GLO1: variants seen among roughly 807,000 people sequenced by gnomAD.
The protein encoded by GLO1 is lactoylglutathione lyase.
GLO1 carries 28 observed loss-of-function variants against 26.0 expected under a neutral mutation model. The observed-to-expected ratio is 1.08, with a 90% confidence interval of 0.80 to 1.48. The LOEUF (loss-of-function observed/expected upper bound fraction) is 1.48, where lower values mean the gene tolerates loss of function less well. Ranked by LOEUF, GLO1 falls within the 40% of genes most tolerant of loss-of-function variation. GLO1 has a pLI of 0.00. For missense variants in GLO1, 225 were observed against 224.8 expected (o/e 1.00, Z -0.01); for synonymous variants, 78 against 77.6 (o/e 1.00, Z -0.03).
chr6:38,698,041 G>A (rs544010739), intron 1 of GLO1, among the ~76,000 whole-genome samples: 18 of 152,152 alleles, frequency 1.2e-4, no homozygotes, highest in African/African-American at 3.1e-4. Flanking sequence ...TAACACCAAC[G>A]GTTATCACCA....
intron 5 of GLO1, among the ~76,000 whole-genome samples, chr6:38,679,469 C>T (rs1354178618): frequency 6.6e-6 from 1 of 152,096 alleles, no homozygotes; most frequent in Non-Finnish European, 1.5e-5. Context: ...CATGAGCCAC[C>T]ATGCCCAGAC....
At chr6:38,700,786 T>TG (rs1424559705) in intron 1 of GLO1, among the ~76,000 whole-genome samples, 6 of 151,544 alleles carry the variant, frequency 4.0e-5, no homozygotes, top group African/African-American at 1.5e-4. Flanking sequence ...ATTGAGGGTT[T>TG]TTTTTTTTTT....
chr6:38,701,803 G>A (rs1761703561), intron 1 of GLO1, among the ~76,000 whole-genome samples: 1 of 152,046 alleles, frequency 6.6e-6, no homozygotes, highest in Non-Finnish European at 1.5e-5. Flanking sequence ...CCCTTTTAAA[G>A]GTCTGCACGA....
At chr6:38,684,586 CTT>C in intron 2 of GLO1, 72 bp from the exon 3 acceptor site, 2 of 996,578 alleles carry the variant, frequency 2.0e-6, no homozygotes, top group Non-Finnish European at 2.7e-6. Context: ...ATCAACATAA[CTT>C]AATATTCAAG....
intron 3 of GLO1, among the ~76,000 whole-genome samples, chr6:38,684,123 C>T (rs1761428883): frequency 6.6e-6 from 1 of 151,978 alleles, no homozygotes; most frequent in South Asian, 2.1e-4. Context: ...GCTCAGGAGG[C>T]TGAGGCAGGA....
At chr6:38,697,367 C>T (rs1379681336) in intron 1 of GLO1, among the ~76,000 whole-genome samples, 1 of 152,206 alleles carries the variant, frequency 6.6e-6, no homozygotes, top group Admixed American at 6.5e-5. Flanking sequence ...CAGTGGGAGT[C>T]CTTACAGGAG....
At chr6:38,696,292 C>CT (rs1305867496) in intron 1 of GLO1, among the ~76,000 whole-genome samples, 1 of 151,316 alleles carries the variant, frequency 6.6e-6, no homozygotes, top group Non-Finnish European at 1.5e-5. Context: ...GATGAAGATA[C>CT]TTATTTCTCT....
chr6:38,685,226 G>A (rs1035174723), intron 2 of GLO1, among the ~76,000 whole-genome samples: 11 of 152,184 alleles, frequency 7.2e-5, no homozygotes, highest in African/African-American at 2.7e-4. Flanking sequence ...TGACAATGGG[G>A]AGGTAGGCGA....
chr6:38,700,139 C>G (rs776024723), intron 1 of GLO1, among the ~76,000 whole-genome samples: 1 of 152,172 alleles, frequency 6.6e-6, no homozygotes, highest in African/African-American at 2.4e-5. Flanking sequence ...TCTTTGTACT[C>G]TTTATTTCTC....
At chr6:38,697,080 T>C (rs1761622518) in intron 1 of GLO1, among the ~76,000 whole-genome samples, 3 of 151,990 alleles carry the variant, frequency 2.0e-5, no homozygotes, top group African/African-American at 7.2e-5. Context: ...GTCTGGCTAA[T>C]TTTTTTGTAT....
intron 1 of GLO1, among the ~76,000 whole-genome samples, chr6:38,695,333 A>G (rs1761593388): frequency 6.6e-6 from 1 of 152,106 alleles, no homozygotes; most frequent in African/African-American, 2.4e-5. Context: ...ATACGCATAC[A>G]CATATATACA....
intron 2 of GLO1, among the ~76,000 whole-genome samples, chr6:38,685,716 A>G (rs1761452421): frequency 1.3e-5 from 2 of 152,230 alleles, no homozygotes; most frequent in East Asian, 1.9e-4. Flanking sequence ...AAAGCAGACT[A>G]CACAACCCTC....
chr6:38,681,664 G>C (rs1450150556), intron 5 of GLO1, among the ~76,000 whole-genome samples: 1 of 152,132 alleles, frequency 6.6e-6, no homozygotes, highest in African/African-American at 2.4e-5. Context: ...CAGATAAAAT[G>C]GACTTTAAGG....
intron 1 of GLO1, 25 bp downstream of exon 1, chr6:38,702,946 C>A: frequency 1.5e-6 from 2 of 1,339,634 alleles, no homozygotes; most frequent in Non-Finnish European, 2.1e-6. Flanking sequence ...GCTGGGGGAG[C>A]CGTTCCCTTC....
chr6:38,681,087 G>A (rs1426384715), intron 5 of GLO1, among the ~76,000 whole-genome samples: 1 of 151,990 alleles, frequency 6.6e-6, no homozygotes, highest in Non-Finnish European at 1.5e-5. Flanking sequence ...TTTTTGTGAC[G>A]GAGTCTCACT....
chr6:38,693,233 T>C (rs1020770756), intron 1 of GLO1, among the ~76,000 whole-genome samples: 4 of 152,206 alleles, frequency 2.6e-5, no homozygotes, highest in African/African-American at 9.7e-5. Context: ...TTAGTTCATA[T>C]TGGATGAGGA....
At chr6:38,695,288 C>T (rs1263612209) in intron 1 of GLO1, among the ~76,000 whole-genome samples, 1 of 151,726 alleles carries the variant, frequency 6.6e-6, no homozygotes. Context: ...CTAGGTGTTA[C>T]TATATATGTA....
chr6:38,701,928 A>ATT (rs555631797), intron 1 of GLO1, among the ~76,000 whole-genome samples: 221 of 137,152 alleles, frequency 1.6e-3, no homozygotes, highest in Non-Finnish European at 1.9e-3. Flanking sequence ...CTGTGCCTGA[A>ATT]TTTTTTTTTT....
At chr6:38,694,101 T>C (rs1187356766) in intron 1 of GLO1, among the ~76,000 whole-genome samples, 2 of 152,194 alleles carry the variant, frequency 1.3e-5, no homozygotes, top group Non-Finnish European at 2.9e-5. Flanking sequence ...TTCCCAGTGC[T>C]TGAAGATGTT....
Sources: allele counts gnomAD v4.1 joint callset (sites outside exome capture counted in the v4.1 genomes callset), GRCh38; gene constraint gnomAD v4.1.1; transcripts MANE v1.5; gene names NCBI Gene and HGNC (gene_info 2026-07-23, HGNC 2026-07-21).